The following LTBP1 variants were observed in gnomAD, a reference collection of about 807,000 sequenced individuals.
LTBP1 encodes latent transforming growth factor beta binding protein 1, also known as latent-transforming growth factor beta-binding protein 1.
In LTBP1, 129 loss-of-function variants were observed where a neutral mutation model predicts 207.6. The observed-to-expected ratio is 0.62, with a 90% CI of 0.54 to 0.72. The LOEUF (loss-of-function observed/expected upper bound fraction) is 0.72, where lower values mean the gene tolerates loss of function less well. Among genes scored for constraint, LTBP1 ranks in the 30% least tolerant of loss-of-function variants. The pLI, the probability that LTBP1 is intolerant of heterozygous loss-of-function variation, is 0.00. For synonymous variants in LTBP1, 963 were observed against 833.7 expected, an observed-to-expected ratio of 1.16 and a Z score of -2.67; for missense variants, 2,281 against 2,217.2, an observed-to-expected ratio of 1.03 and a Z score of -0.58.
chr2:32,968,471 A>G (rs960047617), intron 2 of LTBP1, among the ~76,000 whole-genome samples: 6 of 152,136 alleles, frequency 3.9e-5, no homozygotes, highest in Admixed American at 3.9e-4. Context: ...TTAGCATGAT[A>G]TTTATTTTTT....
chr2:33,218,036 G>A (rs1489985614), intron 8 of LTBP1, among the ~76,000 whole-genome samples: 1 of 152,198 alleles, frequency 6.6e-6, no homozygotes, highest in Non-Finnish European at 1.5e-5. Flanking sequence ...TTCCTTAAAT[G>A]AGATTTTTAT....
chr2:33,073,624 CTTCT>C (rs756568690), intron 3 of LTBP1, among the ~76,000 whole-genome samples: 20 of 151,624 alleles, frequency 1.3e-4, no homozygotes, highest in Non-Finnish European at 2.2e-4. Context: ...ATCAGTTTTT[CTTCT>C]TTCTTTCTTT....
chr2:33,160,870 T>C (rs1398243626), intron 5 of LTBP1, among the ~76,000 whole-genome samples: 1 of 152,160 alleles, frequency 6.6e-6, no homozygotes, highest in Non-Finnish European at 1.5e-5. Context: ...TTAATAATTT[T>C]TGTTAGAGGA....
At chr2:33,207,463 C>CAT (rs2149217963) in intron 7 of LTBP1, among the ~76,000 whole-genome samples, 1 of 152,144 alleles carries the variant, frequency 6.6e-6, no homozygotes, top group South Asian at 2.1e-4. Flanking sequence ...AAATGCCTAA[C>CAT]ATTGTTTTAA....
At chr2:33,222,223 C>T (rs754381925) in intron 9 of LTBP1, 72 bp downstream of exon 9, 87 of 1,086,160 alleles carry the variant, frequency 8.0e-5, no homozygotes, top group Middle Eastern at 7.8e-4. Flanking sequence ...AGTTGTTTGC[C>T]ACGGCTTGCT....
chr2:33,179,811 G>T (rs181056845), intron 5 of LTBP1, among the ~76,000 whole-genome samples: 219 of 152,230 alleles, frequency 1.4e-3, no homozygotes, highest in Non-Finnish European at 2.0e-3. Flanking sequence ...CTGTGATTCA[G>T]ATCTGCCTGG....
intron 26 of LTBP1, among the ~76,000 whole-genome samples, chr2:33,350,925 G>A (rs1236132258): frequency 6.6e-6 from 1 of 151,758 alleles, no homozygotes; most frequent in Non-Finnish European, 1.5e-5. Flanking sequence ...GAAATTCTGT[G>A]GTAGGAACTG....
chr2:33,044,486 T>C (rs1402356384), intron 3 of LTBP1, among the ~76,000 whole-genome samples: 1 of 152,246 alleles, frequency 6.6e-6, no homozygotes, highest in Admixed American at 6.5e-5. Flanking sequence ...GGTGTATATG[T>C]GCCACATTTT....
chr2:32,992,690 T>C (rs1684606171), intron 2 of LTBP1, among the ~76,000 whole-genome samples: 1 of 152,108 alleles, frequency 6.6e-6, no homozygotes, highest in Non-Finnish European at 1.5e-5. Context: ...CCAGGACATG[T>C]AAGGGAAGAA....
At chr2:33,246,999 T>G (rs1184152595) in intron 10 of LTBP1, among the ~76,000 whole-genome samples, 1 of 152,164 alleles carries the variant, frequency 6.6e-6, no homozygotes, top group Non-Finnish European at 1.5e-5. Context: ...GCAATCCAAG[T>G]AGGAAGACTT....
At chr2:33,279,948 A>C (rs867097644) in intron 18 of LTBP1, 91 bp from the exon 19 acceptor site, 1 of 1,383,328 alleles carries the variant, frequency 7.2e-7, no homozygotes, top group Middle Eastern at 2.2e-4. Flanking sequence ...TGTAGATATA[A>C]CATGCTTTCC....
chr2:33,352,792 T>TA, intron 26 of LTBP1, among the ~76,000 whole-genome samples: 1 of 152,268 alleles, frequency 6.6e-6, no homozygotes, highest in East Asian at 1.9e-4. Context: ...AGGGCAGCAA[T>TA]ACCCTTTATC....
intron 24 of LTBP1, among the ~76,000 whole-genome samples, chr2:33,329,594 C>G (rs1366861800): frequency 6.6e-6 from 1 of 152,008 alleles, no homozygotes; most frequent in East Asian, 1.9e-4. Flanking sequence ...GTCAAGATTT[C>G]TTCATTTCCT....
At chr2:33,350,420 C>T (rs979295615) in intron 26 of LTBP1, among the ~76,000 whole-genome samples, 10 of 152,206 alleles carry the variant, frequency 6.6e-5, no homozygotes, top group African/African-American at 2.2e-4. Flanking sequence ...CAGCAAAAAG[C>T]TGCCCCAGAA....
intron 2 of LTBP1, among the ~76,000 whole-genome samples, chr2:32,953,245 A>G (rs1677474390): frequency 6.6e-6 from 1 of 152,200 alleles, no homozygotes; most frequent in African/African-American, 2.4e-5. Context: ...GGAGGGTGTG[A>G]TGTGGCTGGA....
intron 5 of LTBP1, among the ~76,000 whole-genome samples, chr2:33,152,658 G>A (rs2083635527): frequency 6.6e-6 from 1 of 152,214 alleles, no homozygotes. Context: ...GTGTGAAGTG[G>A]TGTCTCATAG....
intron 5 of LTBP1, among the ~76,000 whole-genome samples, chr2:33,174,666 C>A (rs1313535308): frequency 2.6e-5 from 4 of 152,096 alleles, no homozygotes; most frequent in African/African-American, 4.8e-5. Context: ...CTTTAAAGTT[C>A]ATATGGAACC....
chr2:33,158,156 A>AC (rs1413067428), intron 5 of LTBP1, among the ~76,000 whole-genome samples: 2 of 139,616 alleles, frequency 1.4e-5, no homozygotes, highest in African/African-American at 5.0e-5. Context: ...AACAAAAAAA[A>AC]AAAAAAAAAG....
intron 2 of LTBP1, among the ~76,000 whole-genome samples, chr2:33,019,603 A>G (rs2075053332): frequency 1.3e-5 from 2 of 152,040 alleles, no homozygotes; most frequent in Admixed American, 1.3e-4. Context: ...CCAAAGTGCT[A>G]GGATTACAGG....
Sources: allele counts gnomAD v4.1 joint callset (sites outside exome capture counted in the v4.1 genomes callset), GRCh38; gene constraint gnomAD v4.1.1; transcripts MANE v1.5; gene names NCBI Gene and HGNC (gene_info 2026-07-23, HGNC 2026-07-21).